Variants in METTL25 observed in about 807,000 individuals in gnomAD.
METTL25 encodes probable methyltransferase-like protein 25.
METTL25 carries 64 observed loss-of-function variants against 71.6 expected under a neutral mutation model. That is an observed-to-expected ratio of 0.89 (90% CI 0.73 to 1.10). The LOEUF is 1.10. Ranked by LOEUF, METTL25 falls within the 50% of genes least tolerant of loss-of-function variation. The pLI is 0.00. For synonymous variants in METTL25, 287 were observed against 250.3 expected, an observed-to-expected ratio of 1.15 and a Z score of -1.38; for missense variants, 807 against 707.0, an observed-to-expected ratio of 1.14 and a Z score of -1.60.
At chr12:82,449,354 A>C (rs1346068119) in intron 8 of METTL25, among the ~76,000 whole-genome samples, 1 of 152,158 alleles carries the variant, frequency 6.6e-6, no homozygotes, top group African/African-American at 2.4e-5. Context: ...ATTAATTTTC[A>C]TTCCAGCCTA....
intron 8 of METTL25, among the ~76,000 whole-genome samples, chr12:82,453,576 TAAG>T (rs1045567290): frequency 6.6e-5 from 10 of 152,154 alleles, no homozygotes; most frequent in Non-Finnish European, 1.2e-4. Flanking sequence ...GCAAAGGACA[TAAG>T]AATTACTGGT....
At chr12:82,441,934 C>T (rs1416861630) in intron 8 of METTL25, among the ~76,000 whole-genome samples, 1 of 151,812 alleles carries the variant, frequency 6.6e-6, no homozygotes, top group Non-Finnish European at 1.5e-5. Context: ...TCCCTTATAA[C>T]CCGTTTGTGG....
intron 5 of METTL25, among the ~76,000 whole-genome samples, chr12:82,425,766 T>C (rs1467026413): frequency 1.3e-5 from 2 of 151,966 alleles, no homozygotes; most frequent in Non-Finnish European, 2.9e-5. Context: ...GAAGTATAAT[T>C]AAGAGGATGT....
At chr12:82,365,857 G>A (rs1395064626) in intron 1 of METTL25, among the ~76,000 whole-genome samples, 4 of 151,982 alleles carry the variant, frequency 2.6e-5, no homozygotes, top group African/African-American at 9.7e-5. Context: ...CCGAGGCGGG[G>A]GGATCACGAG....
intron 9 of METTL25, among the ~76,000 whole-genome samples, chr12:82,458,537 T>G (rs1891647151): frequency 6.6e-6 from 1 of 151,926 alleles, no homozygotes; most frequent in African/African-American, 2.4e-5. Context: ...CTTTGGGAAT[T>G]AAAAAATACA....
chr12:82,465,913 G>A (rs1338625310), intron 9 of METTL25, among the ~76,000 whole-genome samples: 1 of 149,670 alleles, frequency 6.7e-6, no homozygotes, highest in Non-Finnish European at 1.5e-5. Context: ...AGTTTCTAAT[G>A]AGTCTTTATA....
intron 5 of METTL25, among the ~76,000 whole-genome samples, chr12:82,410,558 A>G (rs1345118676): frequency 1.3e-5 from 2 of 152,126 alleles, no homozygotes; most frequent in African/African-American, 2.4e-5. Flanking sequence ...TCCTCCTGCT[A>G]CAGTTCAGCT....
chr12:82,464,482 T>C (rs949169719), intron 9 of METTL25, among the ~76,000 whole-genome samples: 9 of 151,994 alleles, frequency 5.9e-5, no homozygotes, highest in African/African-American at 2.2e-4. Context: ...TTTCTGTTTT[T>C]ATGCCAGTAT....
intron 5 of METTL25, among the ~76,000 whole-genome samples, chr12:82,408,545 G>C (rs1194688499): frequency 6.6e-6 from 1 of 151,300 alleles, no homozygotes; most frequent in Non-Finnish European, 1.5e-5. Flanking sequence ...AATTATTATG[G>C]GTATCCCTAG....
chr12:82,448,895 A>G (rs568981772), intron 8 of METTL25, among the ~76,000 whole-genome samples: 7 of 152,320 alleles, frequency 4.6e-5, no homozygotes, highest in East Asian at 3.9e-4. Flanking sequence ...CAATAATTTC[A>G]TAAATATTTT....
intron 1 of METTL25, among the ~76,000 whole-genome samples, chr12:82,378,237 GAATTTA>G (rs1362391743): frequency 6.6e-6 from 1 of 152,072 alleles, no homozygotes; most frequent in Non-Finnish European, 1.5e-5. Context: ...ATCAAATGGG[GAATTTA>G]AATTTAACAT....
chr12:82,358,873 C>T (rs1372611335), intron 1 of METTL25, 49 bp downstream of exon 1: 1 of 1,551,900 alleles, frequency 6.4e-7, no homozygotes, highest in South Asian at 1.2e-5. Flanking sequence ...GGAGAAGGTC[C>T]CGGCAGACGA....
intron 5 of METTL25, among the ~76,000 whole-genome samples, chr12:82,405,649 T>C (rs1045634630): frequency 2.0e-5 from 3 of 152,210 alleles, no homozygotes; most frequent in African/African-American, 7.2e-5. Context: ...GTATTCTAAC[T>C]AAAATGAATT....
In METTL25 at chr12:82,454,978, T is replaced by C. The variant is rs115137454; in HGVS notation, c.1479-1749T>C. 3.7e-3 allele frequency among the ~76,000 whole-genome samples: 565 copies of C among 151,996 alleles called. 3 individuals are homozygous for C. Among genetic ancestry groups the C allele is most frequent in the African/African-American group, 0.013 (540 of 41,534 alleles). ...GACTCTATGAAGTAAATGCTATTGATATCCTCTTTTAATGAACAAGAAACT... is the reference window on the plus strand; with the variant it reads ...GACTCTATGAAGTAAATGCTATTGACATCCTCTTTTAATGAACAAGAAACT... On this transcript the variant is annotated intron_variant, in intron 8 of 11. Transcript: ENST00000248306.
rs1886386845 is a variant in METTL25, at chr12:82,399,394, G to C, written c.1131G>C (p.Glu377Asp). The change falls in exon 4 of 12, where the codon GAG becomes GAC. Residue 377 changes from glutamate (E) to aspartate (D), a missense_variant and splice_region_variant. Glu to Asp is a conservative substitution (Grantham distance 45, BLOSUM62 2). Transcript: ENST00000248306. ...SELHDIIKDL[E>D]DCLMVGLHTC... ...TCCATGACATTATTAAAGATTTGGA[G>C]GTGACTTTACCTTTGAATTATTTAA... 1.3e-6 allele frequency: 2 copies of C among 1,558,316 alleles called. No individual in the cohort carries two copies. Among genetic ancestry groups the C allele is most frequent in the South Asian group, 2.5e-5 (2 of 81,458 alleles).
At chr12:82,399,520 A>G (rs1238318323) in intron 4 of METTL25, 126 bp downstream of exon 4, 16 of 767,708 alleles carry the variant, frequency 2.1e-5, no homozygotes, top group Admixed American at 3.2e-5. Flanking sequence ...AAATGAAATC[A>G]TAAGTAGGCT....
intron 8 of METTL25, among the ~76,000 whole-genome samples, chr12:82,439,342 CAT>C (rs910199633): frequency 9.2e-5 from 14 of 151,572 alleles, no homozygotes; most frequent in African/African-American, 3.4e-4. Flanking sequence ...TAATTTTTTT[CAT>C]AATATTGGTT....
intron 1 of METTL25, among the ~76,000 whole-genome samples, chr12:82,361,292 C>T (rs957581709): frequency 2.0e-5 from 3 of 152,188 alleles, no homozygotes; most frequent in Non-Finnish European, 4.4e-5. Context: ...ATTTACAATC[C>T]CTTAGCTAGA....
intron 5 of METTL25, among the ~76,000 whole-genome samples, chr12:82,422,402 A>G (rs1454149124): frequency 6.6e-6 from 1 of 152,210 alleles, no homozygotes; most frequent in Non-Finnish European, 1.5e-5. Flanking sequence ...GTATTTAAAA[A>G]TAATGAGCTA....
Sources: gnomAD v4.1 joint callset for allele counts (sites outside exome capture counted in the v4.1 genomes callset) on GRCh38, gnomAD v4.1.1 for gene constraint, MANE v1.5 for transcripts, NCBI Gene and HGNC (gene_info 2026-07-23, HGNC 2026-07-21) for gene names.